OMA1: variants seen among roughly 807,000 people sequenced by gnomAD.
OMA1 encodes OMA1 zinc metallopeptidase.
OMA1 carries 38 observed loss-of-function variants against 30.9 expected under a neutral mutation model. The observed-to-expected ratio is 1.23, with a 90% CI of 0.95 to 1.61. The LOEUF (loss-of-function observed/expected upper bound fraction) is 1.61. OMA1 is among the 40% of genes most tolerant of loss of function. OMA1 has a pLI of 0.00. For synonymous variants in OMA1, 173 were observed against 121.9 expected (o/e 1.42, Z -2.76); for missense variants, 461 against 349.2 (o/e 1.32, Z -2.55).
chr1:58,497,630 G>A (rs377218949), intron 8 of OMA1, among the ~76,000 whole-genome samples: 11 of 152,016 alleles, frequency 7.2e-5, no homozygotes, highest in African/African-American at 2.4e-4. Flanking sequence ...AGAAGTTACC[G>A]TTTTCTCAGA....
At chr1:58,530,364 A>C (rs1646415945) in intron 6 of OMA1, among the ~76,000 whole-genome samples, 1 of 152,212 alleles carries the variant, frequency 6.6e-6, no homozygotes, top group African/African-American at 2.4e-5. Flanking sequence ...TATTAGCCAA[A>C]AGTTGCCAAG....
chr1:58,533,860 A>T (rs1646474849), intron 5 of OMA1, 93 bp downstream of exon 5: 6 of 763,856 alleles, frequency 7.9e-6, no homozygotes, highest in South Asian at 1.5e-5. Flanking sequence ...TATCATTTTT[A>T]AAAAACCTGA....
chr1:58,490,874 C>T lies in OMA1; in HGVS notation c.1366-9700G>A, dbSNP rs1203017890. Among the ~76,000 whole-genome samples, 8 of 133,934 alleles carry T rather than the reference C, an allele frequency of 6.0e-5. No homozygotes were observed. In the East Asian group the frequency reaches 7.3e-4, roughly 12 times the overall value. 87.9% of individuals were successfully genotyped at this position (133,934 alleles called of 152,430 possible). ...AGGCTGGAGTGCAGTGGCGCGATCT[C>T]GGCTCACAGCAAGCTCTGCCTCCTG... On this transcript the variant is annotated intron_variant, in intron 8 of 8. Coordinates refer to ENST00000371226, the MANE Select transcript of OMA1 (RefSeq NM_145243.5).
At chr1:58,495,828 G>A (rs1483905570) in intron 8 of OMA1, among the ~76,000 whole-genome samples, 2 of 152,134 alleles carry the variant, frequency 1.3e-5, no homozygotes, top group Non-Finnish European at 2.9e-5. Flanking sequence ...AAGAACTTAG[G>A]AGGAAAGAAA....
chr1:58,484,004 C>G (rs986445428), intron 8 of OMA1, among the ~76,000 whole-genome samples: 1 of 152,140 alleles, frequency 6.6e-6, no homozygotes, highest in Non-Finnish European at 1.5e-5. Context: ...AGATGCAAAG[C>G]AACAAAGAGA....
At chr1:58,540,665 C>T (rs191826008) in intron 1 of OMA1, among the ~76,000 whole-genome samples, 40 of 148,602 alleles carry the variant, frequency 2.7e-4, no homozygotes, top group African/African-American at 6.0e-4. Flanking sequence ...ACTTTGAAGA[C>T]GTATCAATAG....
At chr1:58,497,599 G>GT (rs1645824676) in intron 8 of OMA1, among the ~76,000 whole-genome samples, 1 of 142,008 alleles carries the variant, frequency 7.0e-6, no homozygotes, top group Non-Finnish European at 1.5e-5. Context: ...AGACATAGGG[G>GT]AAGTTCTGAA....
intron 7 of OMA1, among the ~76,000 whole-genome samples, chr1:58,521,064 C>T (rs1646254490): frequency 6.6e-6 from 1 of 152,166 alleles, no homozygotes. Flanking sequence ...AGACCCAACC[C>T]TTTTCAAAGG....
At chr1:58,509,918 T>C (rs1385383090) in intron 7 of OMA1, among the ~76,000 whole-genome samples, 1 of 151,746 alleles carries the variant, frequency 6.6e-6, no homozygotes, top group African/African-American at 2.4e-5. Flanking sequence ...CTCCAAGAAA[T>C]ATACAACCCA....
chr1:58,484,712 A>G (rs917754164), intron 8 of OMA1, among the ~76,000 whole-genome samples: 3 of 152,224 alleles, frequency 2.0e-5, no homozygotes, highest in African/African-American at 7.2e-5. Context: ...ATATCCAGAC[A>G]AAAGAATATT....
chr1:58,527,784 T>C (rs1185628411), intron 6 of OMA1, among the ~76,000 whole-genome samples: 2 of 152,240 alleles, frequency 1.3e-5, no homozygotes, highest in African/African-American at 4.8e-5. Flanking sequence ...ATTAACCATA[T>C]AGCAGAATGC....
intron 6 of OMA1, among the ~76,000 whole-genome samples, chr1:58,529,868 C>A (rs1327429228): frequency 6.6e-6 from 1 of 151,816 alleles, no homozygotes; most frequent in Non-Finnish European, 1.5e-5. Context: ...ATGCAAACAC[C>A]ATGCTTTTAT....
Position 58,534,066 on chromosome 1 carries a change from C to T in OMA1, c.904-6G>A, listed in dbSNP as rs779372357. On this transcript the variant is annotated splice_region_variant and splice_polypyrimidine_tract_variant and intron_variant, in intron 4 of 8. Transcript: ENST00000371226. ...AAAACAAACATTTGTCCATTCTGCA[C>T]CACAAAGAAAATAATGTAAGCAATT... 1 of 869,360 alleles carries T rather than the reference C, an allele frequency of 1.2e-6. No individual in the cohort carries two copies. Among genetic ancestry groups the T allele is most frequent in the Non-Finnish European group, 2.0e-6 (1 of 500,896 alleles). 53.9% of individuals were successfully genotyped at this position (869,360 alleles called of 1,614,324 possible).
At position 58,534,069 on chromosome 1, in the gene OMA1, C is replaced by T; in HGVS notation, c.904-9G>A. 1.2e-6 allele frequency: 1 copy of T among 869,002 alleles called. No homozygotes were observed. Among genetic ancestry groups the T allele is most frequent in the South Asian group, 1.3e-5 (1 of 75,158 alleles). The allele number at this position is 869,002 out of a possible 1,614,324, so 53.8% of individuals were successfully genotyped here. ...ACAAACATTTGTCCATTCTGCACCA[C>T]AAAGAAAATAATGTAAGCAATTAGA... On this transcript the variant is annotated splice_polypyrimidine_tract_variant and intron_variant, in intron 4 of 8. Coordinates refer to ENST00000371226, the MANE Select transcript of OMA1 (RefSeq NM_145243.5).
chr1:58,539,205 T>C lies in OMA1; in HGVS notation c.90A>G (p.Thr30=), dbSNP rs772496911. The C allele has an allele frequency of 2.3e-6, 2 of 872,914 alleles. No individual in the cohort carries two copies. Among genetic ancestry groups the C allele is most frequent in the Non-Finnish European group, 4.0e-6 (2 of 501,658 alleles). 54.1% of individuals were successfully genotyped at this position (872,914 alleles called of 1,614,324 possible). The part of the protein sequence containing the change: ...NSLSNWRKCN[T]LASTSRGCHQ... Reference sequence around the variant, plus strand: ...GACAGCCCCGTGAGGTGGATGCTAATGTGTTACATTTTCTCCAGTTAGACA... The same window carrying C: ...GACAGCCCCGTGAGGTGGATGCTAACGTGTTACATTTTCTCCAGTTAGACA... Residue 30 remains threonine, a synonymous_variant, in exon 2 of 9, where the codon ACA becomes ACG. Coordinates refer to ENST00000371226, the MANE Select transcript of OMA1 (RefSeq NM_145243.5).
chr1:58,530,577 T>G, intron 6 of OMA1, 24 bp downstream of exon 6: 3 of 865,950 alleles, frequency 3.5e-6, no homozygotes, highest in Non-Finnish European at 6.0e-6. Flanking sequence ...CTATGATCAA[T>G]TCAAGTTATT....
At chr1:58,520,249 T>C (rs935386618) in intron 7 of OMA1, among the ~76,000 whole-genome samples, 3 of 151,720 alleles carry the variant, frequency 2.0e-5, no homozygotes, top group African/African-American at 4.8e-5. Flanking sequence ...AACCTAAACG[T>C]TGAAAAAAAT....
intron 5 of OMA1, among the ~76,000 whole-genome samples, chr1:58,533,055 C>T (rs762557065): frequency 2.6e-5 from 4 of 152,080 alleles, no homozygotes; most frequent in Non-Finnish European, 4.4e-5. Context: ...TGTACCTTTG[C>T]GTTTACAATT....
At chr1:58,522,748 A>G in intron 7 of OMA1, among the ~76,000 whole-genome samples, 1 of 152,362 alleles carries the variant, frequency 6.6e-6, no homozygotes, top group East Asian at 1.9e-4. Flanking sequence ...TGTATTATAT[A>G]CTGTATTCTT....
Sources: gnomAD v4.1 joint callset for allele counts (sites outside exome capture counted in the v4.1 genomes callset) on GRCh38, gnomAD v4.1.1 for gene constraint, MANE v1.5 for transcripts, NCBI Gene and HGNC (gene_info 2026-07-23, HGNC 2026-07-21) for gene names.